Variants in AHCY observed in about 807,000 individuals in gnomAD.
The protein encoded by AHCY is S-adenosyl-L-homocysteine hydrolase.
In AHCY, 24 loss-of-function variants were observed where a neutral mutation model predicts 45.4. The observed-to-expected ratio is 0.53, with a 90% CI of 0.38 to 0.74. The LOEUF (loss-of-function observed/expected upper bound fraction) is 0.74, where lower values mean the gene tolerates loss of function less well. AHCY is among the 30% of genes least tolerant of loss of function. The pLI is 0.00. For synonymous variants in AHCY, 245 were observed against 235.1 expected (o/e 1.04, Z -0.39); for missense variants, 449 against 594.1 (o/e 0.76, Z 2.54).
rs899470831 is a variant in AHCY, at chr20:34,301,731, CTA to C, written c.28+1510_28+1511del. 1.5e-4 allele frequency: 125 copies of C among 825,732 alleles called. No individual in the cohort carries two copies. In the African/African-American group the frequency reaches 2.1e-3, roughly 14 times the overall value. The allele number at this position is 825,732 out of a possible 1,614,324, so 51.2% of individuals were successfully genotyped here. On this transcript the variant is annotated intron_variant, in intron 1 of 9. Coordinates refer to ENST00000217426, the MANE Select transcript of AHCY (RefSeq NM_000687.4). The stretch of plus-strand genomic sequence containing the variant: ...AGTATGACAAGCCCCCATTCCAGCT[CTA>C]CTATTGATGTGACCTTCACATAACC...
At chr20:34,236,068 A>G in the AHCY span, among the ~76,000 whole-genome samples, 2 of 144,588 alleles carry the variant, frequency 1.4e-5, no homozygotes, top group East Asian at 2.1e-4. Flanking sequence ...GAGAGAGAGA[A>G]AGAAAGAGAA....
At chr20:34,257,281 G>A in the AHCY span, among the ~76,000 whole-genome samples, 3 of 151,734 alleles carry the variant, frequency 2.0e-5, no homozygotes, top group Non-Finnish European at 4.4e-5. Context: ...AGTAGAAACG[G>A]GGTTTCACCA....
the AHCY span, among the ~76,000 whole-genome samples, chr20:34,242,599 C>T: frequency 6.6e-6 from 1 of 152,322 alleles, no homozygotes; most frequent in Middle Eastern, 3.4e-3. Flanking sequence ...AACAAACAAA[C>T]AACAAAACAA....
chr20:34,267,428 T>C, the AHCY span, among the ~76,000 whole-genome samples: 38 of 133,536 alleles, frequency 2.8e-4, no homozygotes, highest in Non-Finnish European at 6.0e-5. Context: ...TCTCAGCACT[T>C]TGGGAGGGCG....
At chr20:34,292,617 AC>A in intron 3 of AHCY, 110 bp from the exon 4 acceptor site, 1 of 1,490,288 alleles carries the variant, frequency 6.7e-7, no homozygotes, top group Non-Finnish European at 9.3e-7. Flanking sequence ...ATCCCCAGCC[AC>A]CTCCGGCCCC....
At chr20:34,305,249 G>C (rs944436223), upstream of AHCY, among the ~76,000 whole-genome samples, 1 of 151,896 alleles carries the variant, frequency 6.6e-6, no homozygotes, top group Non-Finnish European at 1.5e-5. Context: ...GCGTGAACCC[G>C]GGAGGCCGAG....
At chr20:34,309,557 T>A (rs2036927578) in intron 1 of AHCY, among the ~76,000 whole-genome samples, 1 of 152,112 alleles carries the variant, frequency 6.6e-6, no homozygotes, top group Non-Finnish European at 1.5e-5. Flanking sequence ...CCCAGCACTT[T>A]GGGAAGCCGA....
the AHCY span, among the ~76,000 whole-genome samples, chr20:34,232,418 T>G: frequency 6.6e-6 from 1 of 152,204 alleles, no homozygotes; most frequent in Non-Finnish European, 1.5e-5. Flanking sequence ...TAGGCCACTT[T>G]GATTAATCTG....
chr20:34,270,352 C>T, the AHCY span, among the ~76,000 whole-genome samples: 2 of 152,148 alleles, frequency 1.3e-5, no homozygotes, highest in Non-Finnish European at 2.9e-5. Flanking sequence ...AACACACACA[C>T]CCCCACACAG....
chr20:34,269,257 G>C, the AHCY span: 1 of 1,400,674 alleles, frequency 7.1e-7, no homozygotes, highest in South Asian at 1.5e-5. Flanking sequence ...GGCTTCCCAG[G>C]GCTGCAGGCG....
At chr20:34,258,651 T>G in the AHCY span, among the ~76,000 whole-genome samples, 10 of 39,074 alleles carry the variant, frequency 2.6e-4, no homozygotes, top group Non-Finnish European at 4.6e-4. Context: ...CATTGAGGAG[T>G]TAATATCTTA....
chr20:34,281,383 G>A (rs1421226506), intron 9 of AHCY, among the ~76,000 whole-genome samples: 1 of 152,170 alleles, frequency 6.6e-6, no homozygotes, highest in African/African-American at 2.4e-5. Context: ...TCCCCTACAT[G>A]TGGCTTGACA....
intron 5 of AHCY, 68 bp from the exon 6 acceptor site, chr20:34,291,006 CAGAGT>C: frequency 6.5e-7 from 1 of 1,527,900 alleles, no homozygotes; most frequent in Non-Finnish European, 9.0e-7. Context: ...AACTTGGCCT[CAGAGT>C]ATTCTGAAGA....
At chr20:34,262,566 G>C in the AHCY span, among the ~76,000 whole-genome samples, 1 of 152,338 alleles carries the variant, frequency 6.6e-6, no homozygotes, top group South Asian at 2.1e-4. Context: ...GGCCCCACAA[G>C]AGTGTCACAG....
the AHCY span, among the ~76,000 whole-genome samples, chr20:34,239,448 C>T: frequency 2.6e-5 from 4 of 152,302 alleles, no homozygotes; most frequent in Admixed American, 6.5e-5. Context: ...AACTCCTGAC[C>T]TCAGGTGATC....
upstream of AHCY, among the ~76,000 whole-genome samples, chr20:34,303,563 C>A (rs958476166): frequency 6.6e-6 from 1 of 152,242 alleles, no homozygotes; most frequent in South Asian, 2.1e-4. Flanking sequence ...CCAGCCGGGC[C>A]GTCCTCTCGC....
At position 34,296,375 on chromosome 20, in the gene AHCY, T is replaced by C. The variant is rs149466140; in HGVS notation, c.29-790A>G. Reference sequence around the variant, plus strand: ...GTTCAATAAGCAGGATCATTTGGATTTCATATTAATCTATATCCTCTGGCT... The same window carrying C: ...GTTCAATAAGCAGGATCATTTGGATCTCATATTAATCTATATCCTCTGGCT... On this transcript the variant is annotated intron_variant, in intron 1 of 9. Transcript: ENST00000217426. 5.9e-4 allele frequency among the ~76,000 whole-genome samples: 90 copies of C among 152,270 alleles called. No individual in the cohort carries two copies. In the East Asian group the frequency reaches 8.9e-3, roughly 15 times the overall value.
chr20:34,274,842 T>A, the AHCY span, among the ~76,000 whole-genome samples: 8 of 152,050 alleles, frequency 5.3e-5, no homozygotes, highest in Admixed American at 2.0e-4. Context: ...TAGTCTGAGC[T>A]ATTTGGGAGG....
intron 5 of AHCY, 144 bp from the exon 6 acceptor site, chr20:34,291,082 T>A (rs1001178444): frequency 1.3e-6 from 1 of 754,478 alleles, no homozygotes; most frequent in African/African-American, 1.8e-5. Flanking sequence ...CAGCACCCAA[T>A]GCCCCCACAA....
Sources: gnomAD v4.1 joint callset for allele counts (sites outside exome capture counted in the v4.1 genomes callset) on GRCh38, gnomAD v4.1.1 for gene constraint, MANE v1.5 for transcripts, NCBI Gene and HGNC (gene_info 2026-07-23, HGNC 2026-07-21) for gene names.